The following METTL24 variants were observed in gnomAD, a reference collection of about 807,000 sequenced individuals.
The protein encoded by METTL24 is methyltransferase like 24, also known as probable methyltransferase-like protein 24.
Under a neutral mutation model 32.7 loss-of-function variants are expected in METTL24, and 29 were observed. The ratio of observed to expected loss-of-function variants is 0.89; its 90% CI spans 0.66 to 1.21. The LOEUF is 1.21. Among genes scored for constraint, METTL24 ranks in the 50% most tolerant of loss-of-function variants. The pLI is 0.00. For synonymous variants in METTL24, 163 were observed against 179.5 expected (o/e 0.91, Z 0.73); for missense variants, 439 against 468.1 (o/e 0.94, Z 0.57).
intron 4 of METTL24, among the ~76,000 whole-genome samples, chr6:110,282,186 G>A (rs531879262): frequency 3.9e-5 from 6 of 152,172 alleles, no homozygotes; most frequent in South Asian, 2.1e-4. Context: ...AATACTTTCC[G>A]AATCCAATCC....
intron 1 of METTL24, among the ~76,000 whole-genome samples, chr6:110,333,686 C>T (rs1248584048): frequency 6.6e-6 from 1 of 152,152 alleles, no homozygotes; most frequent in African/African-American, 2.4e-5. Context: ...AAATGACCTG[C>T]CCACCTCGGC....
chr6:110,309,557 G>C (rs577136729), intron 3 of METTL24, among the ~76,000 whole-genome samples: 1 of 152,188 alleles, frequency 6.6e-6, no homozygotes, highest in African/African-American at 2.4e-5. Context: ...ACAGTTGCAC[G>C]TGTCTGGGGA....
At chr6:110,287,823 G>C (rs1771251267) in intron 4 of METTL24, among the ~76,000 whole-genome samples, 1 of 152,148 alleles carries the variant, frequency 6.6e-6, no homozygotes, top group Admixed American at 6.5e-5. Flanking sequence ...AGGGGTCTCT[G>C]CCTGTGAGGC....
chr6:110,278,634 T>C (rs367590072), intron 4 of METTL24, among the ~76,000 whole-genome samples: 7 of 152,338 alleles, frequency 4.6e-5, no homozygotes, highest in Non-Finnish European at 7.3e-5. Flanking sequence ...CCTTGGACAC[T>C]GCTTAAAAAT....
At chr6:110,334,732 G>A (rs886807694) in intron 1 of METTL24, among the ~76,000 whole-genome samples, 1 of 152,174 alleles carries the variant, frequency 6.6e-6, no homozygotes, top group African/African-American at 2.4e-5. Context: ...ATACATATAT[G>A]TATTTCTCAG....
chr6:110,328,382 A>T (rs1285765838), intron 1 of METTL24, among the ~76,000 whole-genome samples: 1 of 152,228 alleles, frequency 6.6e-6, no homozygotes, highest in Non-Finnish European at 1.5e-5. Flanking sequence ...AATTCCAAAA[A>T]TTCAGATTAA....
At chr6:110,302,420 CAT>C (rs1771531504) in intron 3 of METTL24, among the ~76,000 whole-genome samples, 2 of 148,286 alleles carry the variant, frequency 1.3e-5, no homozygotes, top group South Asian at 2.2e-4. Context: ...TATATATACA[CAT>C]ATACACACAC....
In METTL24 at chr6:110,318,747, A is replaced by T. The variant is rs1387141507; in HGVS notation, c.418-3266T>A. On this transcript the variant is annotated intron_variant, in intron 2 of 4. Coordinates refer to ENST00000338882, the MANE Select transcript of METTL24 (RefSeq NM_001123364.3). ...ACCATTTATTAAACACCTCATTGAT[A>T]GACATTAGCTTTTGTAAACAACTGA... Among the ~76,000 whole-genome samples the T allele has an allele frequency of 2.0e-5, 3 of 152,154 alleles. No individual in the cohort carries two copies. In the East Asian group the frequency reaches 5.8e-4, roughly 29 times the overall value.
chr6:110,281,648 C>CAA lies in METTL24; in HGVS notation c.786+17272_786+17273dup, dbSNP rs551905021. ...TGAGCGATGGAGTGAGACTCTGTCT[C>CAA]AAAAAAAAAAAAAAGGAGCGGGGGG... On this transcript the variant is annotated intron_variant, in intron 4 of 4. Transcript: ENST00000338882. 4.5e-3 allele frequency among the ~76,000 whole-genome samples: 518 copies of CAA among 115,998 alleles called. 1 individual carries two copies. The highest frequency in any genetic ancestry group is 0.015 in the African/African-American group (470 of 30,954). The allele number at this position is 115,998 out of a possible 152,430, so 76.1% of individuals were successfully genotyped here.
intron 4 of METTL24, among the ~76,000 whole-genome samples, chr6:110,278,220 T>C (rs1303628437): frequency 6.6e-6 from 1 of 152,174 alleles, no homozygotes; most frequent in African/African-American, 2.4e-5. Context: ...AAAAGGGCAT[T>C]CTGAATGCTA....
In METTL24 at chr6:110,320,669, T is replaced by G. The variant is rs1382351550; in HGVS notation, c.417+2105A>C. The stretch of plus-strand genomic sequence containing the variant: ...GCTGAATAATAATTATACATCCAGT[T>G]ATCCACCTTCACAAAGAGTTGGTTA... On this transcript the variant is annotated intron_variant, in intron 2 of 4. Coordinates refer to ENST00000338882, the MANE Select transcript of METTL24 (RefSeq NM_001123364.3). Among the ~76,000 whole-genome samples, 11 of 152,302 alleles carry G rather than the reference T, an allele frequency of 7.2e-5. No homozygotes were observed. The East Asian group carries it at 2.1e-3, about 29-fold the overall frequency.
chr6:110,316,687 G>C (rs1024373994), intron 2 of METTL24, among the ~76,000 whole-genome samples: 1 of 152,222 alleles, frequency 6.6e-6, no homozygotes, highest in African/African-American at 2.4e-5. Flanking sequence ...CTTGAGCCCA[G>C]GAGCTCGAGA....
intron 4 of METTL24, among the ~76,000 whole-genome samples, chr6:110,288,550 G>A (rs759561857): frequency 2.0e-5 from 3 of 152,158 alleles, no homozygotes; most frequent in Non-Finnish European, 2.9e-5. Context: ...TAAGAAAGGT[G>A]ACTCTATTTA....
chr6:110,329,276 TGAACAAG>T (rs1235762471), intron 1 of METTL24, among the ~76,000 whole-genome samples: 2 of 152,134 alleles, frequency 1.3e-5, no homozygotes, highest in Non-Finnish European at 2.9e-5. Flanking sequence ...TGCGTGGAAA[TGAACAAG>T]GAACTAGGTT....
At position 110,322,890 on chromosome 6, in the gene METTL24, CAT is replaced by C; in HGVS notation, c.319-20_319-19del. On this transcript the variant is annotated intron_variant, in intron 1 of 4. Coordinates refer to ENST00000338882, the MANE Select transcript of METTL24 (RefSeq NM_001123364.3). ...CGGGGACCCTGCAAGAGACAGAAAA[CAT>C]AGGTTGTGTGTAAGGAAGAGGAACT... The C allele has an allele frequency of 2.6e-6, 4 of 1,556,442 alleles. No individual in the cohort carries two copies. The highest frequency in any genetic ancestry group is 3.5e-6 in the Non-Finnish European group (4 of 1,156,798).
rs535190485 is a variant in METTL24, at chr6:110,276,922, A to T, written c.786+22000T>A. Among the ~76,000 whole-genome samples, 12 of 152,340 alleles carry T rather than the reference A, an allele frequency of 7.9e-5. No homozygotes were observed. The South Asian group carries it at 1.7e-3, about 21-fold the overall frequency. On this transcript the variant is annotated intron_variant, in intron 4 of 4. Coordinates refer to ENST00000338882, the MANE Select transcript of METTL24 (RefSeq NM_001123364.3). ...AAAAGGGCCAAGAGAAAGGTGGCAG[A>T]TAAGAAGAATGACAATCCTGGGGGA... is the stretch of plus-strand genomic sequence containing the variant.
intron 4 of METTL24, among the ~76,000 whole-genome samples, chr6:110,293,887 G>C (rs944032308): frequency 6.6e-6 from 1 of 151,446 alleles, no homozygotes; most frequent in South Asian, 2.1e-4. Context: ...TTTTTAAAGA[G>C]CTCTAATCTT....
intron 3 of METTL24, among the ~76,000 whole-genome samples, chr6:110,301,786 T>C (rs904276691): frequency 6.6e-6 from 1 of 152,206 alleles, no homozygotes; most frequent in African/African-American, 2.4e-5. Flanking sequence ...TGGCATTAAA[T>C]ATAAATTCAA....
At chr6:110,315,909 C>T (rs553944800) in intron 2 of METTL24, among the ~76,000 whole-genome samples, 22 of 152,302 alleles carry the variant, frequency 1.4e-4, no homozygotes, top group African/African-American at 5.1e-4. Flanking sequence ...GTCTTCGTTA[C>T]TCACAGAGTC....
Sources: gnomAD v4.1 joint callset for allele counts (sites outside exome capture counted in the v4.1 genomes callset) on GRCh38, gnomAD v4.1.1 for gene constraint, MANE v1.5 for transcripts, NCBI Gene and HGNC (gene_info 2026-07-23, HGNC 2026-07-21) for gene names.